Variants in LPP observed in about 807,000 individuals in gnomAD.
LPP encodes LIM domain containing preferred translocation partner in lipoma.
A neutral mutation model predicts 60.4 loss-of-function variants in LPP; 38 were observed. That is an observed-to-expected ratio of 0.63 (90% CI 0.49 to 0.83). The LOEUF (loss-of-function observed/expected upper bound fraction) is 0.83. Among genes scored for constraint, LPP ranks in the 40% least tolerant of loss-of-function variants. The pLI is 0.00. For missense variants in LPP, 902 were observed against 783.6 expected (o/e 1.15, Z -1.80); for synonymous variants, 328 against 290.8 (o/e 1.13, Z -1.30).
intron 2 of LPP, among the ~76,000 whole-genome samples, chr3:188,231,339 T>C: frequency 6.6e-6 from 1 of 152,122 alleles, no homozygotes. Flanking sequence ...CCTGAAGCAG[T>C]TGAATAAACC....
Position 188,162,793 on chromosome 3 carries a change from G to A in LPP, c.-190+8541G>A, listed in dbSNP as rs567060092. On this transcript the variant is annotated intron_variant, in intron 1 of 11. Coordinates refer to ENST00000617246, the MANE Select transcript of LPP (RefSeq NM_001375462.1). The stretch of plus-strand genomic sequence containing the variant: ...ATGTGTCCGATTCTGGGTGCCCAGC[G>A]GGGCATCTGGCACACAGTGATGACA... 5.9e-5 allele frequency among the ~76,000 whole-genome samples: 9 copies of A among 152,234 alleles called. 1 individual carries two copies. The highest frequency in any genetic ancestry group is 4.1e-4 in the South Asian group (2 of 4,824).
At chr3:188,807,701 T>C (rs1221373584) in intron 9 of LPP, among the ~76,000 whole-genome samples, 1 of 152,152 alleles carries the variant, frequency 6.6e-6, no homozygotes, top group Non-Finnish European at 1.5e-5. Context: ...TTTATTTTCA[T>C]AAGACAGAAT....
At chr3:188,518,550 T>C (rs1818026327) in intron 5 of LPP, among the ~76,000 whole-genome samples, 1 of 152,194 alleles carries the variant, frequency 6.6e-6, no homozygotes, top group African/African-American at 2.4e-5. Flanking sequence ...AGACATTCCT[T>C]GAGCTCTGTG....
At chr3:188,529,413 G>A (rs1821546893) in intron 6 of LPP, among the ~76,000 whole-genome samples, 6 of 152,134 alleles carry the variant, frequency 3.9e-5, no homozygotes, top group Admixed American at 3.3e-4. Flanking sequence ...TCAAACATGT[G>A]TTGTAAGCTT....
chr3:188,607,838 G>A (rs184735029), intron 6 of LPP, among the ~76,000 whole-genome samples: 1 of 152,066 alleles, frequency 6.6e-6, no homozygotes, highest in African/African-American at 2.4e-5. Flanking sequence ...TCTATGATTT[G>A]TTATGTGTAT....
intron 2 of LPP, among the ~76,000 whole-genome samples, chr3:188,269,178 CTG>C (rs1255381870): frequency 1.3e-5 from 2 of 152,180 alleles, no homozygotes; most frequent in Admixed American, 6.5e-5. Flanking sequence ...TGGCTGTTTT[CTG>C]TGTTTGTTCC....
At chr3:188,343,343 G>A (rs534185787) in intron 3 of LPP, among the ~76,000 whole-genome samples, 72 of 152,266 alleles carry the variant, frequency 4.7e-4, no homozygotes, top group African/African-American at 1.6e-3. Flanking sequence ...AAAAATGTAA[G>A]AATGGCTCCT....
intron 1 of LPP, among the ~76,000 whole-genome samples, chr3:188,205,797 T>C (rs932306912): frequency 1.3e-5 from 2 of 152,120 alleles, no homozygotes; most frequent in Non-Finnish European, 2.9e-5. Context: ...CTTCTGAGCC[T>C]GAGAGACTCC....
intron 6 of LPP, among the ~76,000 whole-genome samples, chr3:188,561,891 T>C (rs1263388113): frequency 6.6e-6 from 1 of 151,962 alleles, no homozygotes; most frequent in Non-Finnish European, 1.5e-5. Context: ...TGAGTAAAGA[T>C]AAAGCAGTTT....
chr3:188,443,408 G>A (rs1291326184), intron 4 of LPP, among the ~76,000 whole-genome samples: 1 of 152,330 alleles, frequency 6.6e-6, no homozygotes, highest in South Asian at 2.1e-4. Context: ...CTGTGGCCTG[G>A]CAGGGTTATC....
chr3:188,484,764 G>A (rs1805841201), intron 5 of LPP, 60 bp downstream of exon 5: 1 of 1,183,036 alleles, frequency 8.5e-7, no homozygotes, highest in Non-Finnish European at 1.3e-6. Flanking sequence ...ATGTTTATAA[G>A]CCATCCTAGG....
chr3:188,594,872 T>C (rs1273560066), intron 6 of LPP, among the ~76,000 whole-genome samples: 1 of 152,120 alleles, frequency 6.6e-6, no homozygotes, highest in Non-Finnish European at 1.5e-5. Flanking sequence ...CACTCATAAT[T>C]TTTGTTTTGT....
chr3:188,517,329 T>C (rs187740417), intron 5 of LPP, among the ~76,000 whole-genome samples: 18 of 152,292 alleles, frequency 1.2e-4, no homozygotes, highest in Admixed American at 9.8e-4. Flanking sequence ...ATATTGATTG[T>C]TTCCCCAATT....
intron 4 of LPP, among the ~76,000 whole-genome samples, chr3:188,411,617 G>A (rs192699982): frequency 1.8e-4 from 27 of 151,968 alleles, no homozygotes; most frequent in African/African-American, 4.3e-4. Context: ...TTTTCTTCTG[G>A]TCTTCAAAAT....
chr3:188,635,982 A>T (rs1433918491), intron 7 of LPP, among the ~76,000 whole-genome samples: 1 of 152,234 alleles, frequency 6.6e-6, no homozygotes, highest in Non-Finnish European at 1.5e-5. Flanking sequence ...ATCGTTGAAA[A>T]GGAAATTGAA....
chr3:188,617,115 G>A (rs1020207049), intron 7 of LPP, among the ~76,000 whole-genome samples: 1 of 152,080 alleles, frequency 6.6e-6, no homozygotes, highest in African/African-American at 2.4e-5. Context: ...AAGAAACAGC[G>A]TGATACAACT....
At chr3:188,165,625 G>A (rs1006827319) in intron 1 of LPP, among the ~76,000 whole-genome samples, 1 of 152,182 alleles carries the variant, frequency 6.6e-6, no homozygotes, top group Non-Finnish European at 1.5e-5. Flanking sequence ...CTGGATCTGT[G>A]CCTTAAGAAA....
chr3:188,482,949 T>C (rs533717303), intron 4 of LPP, among the ~76,000 whole-genome samples: 28 of 152,322 alleles, frequency 1.8e-4, no homozygotes, highest in Non-Finnish European at 3.5e-4. Context: ...CCAGACCTAC[T>C]GAATCAGAAT....
chr3:188,244,064 T>C (rs1050726205), intron 2 of LPP, among the ~76,000 whole-genome samples: 2 of 151,946 alleles, frequency 1.3e-5, no homozygotes, highest in African/African-American at 4.8e-5. Flanking sequence ...AGAGGTGGGG[T>C]TTCACCGTGT....
Sources: gnomAD v4.1 joint callset for allele counts (sites outside exome capture counted in the v4.1 genomes callset) on GRCh38, gnomAD v4.1.1 for gene constraint, MANE v1.5 for transcripts, NCBI Gene and HGNC (gene_info 2026-07-23, HGNC 2026-07-21) for gene names.